Variants in SLC39A11 observed in about 807,000 individuals in gnomAD.
The protein encoded by SLC39A11 is zinc transporter ZIP11.
Under a neutral mutation model 36.1 loss-of-function variants are expected in SLC39A11, and 33 were observed. That is an observed-to-expected ratio of 0.91 (90% CI 0.69 to 1.22). The LOEUF (loss-of-function observed/expected upper bound fraction) is 1.22, where lower values mean the gene tolerates loss of function less well. SLC39A11 is among the 50% of genes most tolerant of loss of function. SLC39A11 has a pLI of 0.00. For synonymous variants in SLC39A11, 166 were observed against 170.3 expected, an observed-to-expected ratio of 0.97 and a Z score of 0.20; for missense variants, 432 against 430.3, an observed-to-expected ratio of 1.00 and a Z score of -0.03.
chr17:72,990,421 T>C (rs773507452), intron 4 of SLC39A11, among the ~76,000 whole-genome samples: 31 of 152,198 alleles, frequency 2.0e-4, no homozygotes, highest in African/African-American at 6.5e-4. Flanking sequence ...AGGATTTTTT[T>C]TCTCTCTCTT....
chr17:72,683,705 A>G (rs1424315626), intron 7 of SLC39A11, among the ~76,000 whole-genome samples: 1 of 152,052 alleles, frequency 6.6e-6, no homozygotes, highest in East Asian at 1.9e-4. Flanking sequence ...TCCAACCAAG[A>G]GTCAAAGGGT....
chr17:72,870,326 G>A (rs1158493824), intron 5 of SLC39A11, among the ~76,000 whole-genome samples: 1 of 2,202 alleles, frequency 4.5e-4, no homozygotes, highest in Non-Finnish European at 6.4e-4. Flanking sequence ...CCAGATTTAG[G>A]TATGCTGTCC....
At chr17:73,006,259 A>G (rs564105911) in intron 4 of SLC39A11, among the ~76,000 whole-genome samples, 4 of 152,340 alleles carry the variant, frequency 2.6e-5, no homozygotes, top group Non-Finnish European at 5.9e-5. Flanking sequence ...TTTCATCATC[A>G]AGAAAAAGGG....
At chr17:72,939,627 G>A (rs1476053544) in intron 5 of SLC39A11, among the ~76,000 whole-genome samples, 1 of 152,094 alleles carries the variant, frequency 6.6e-6, no homozygotes, top group East Asian at 1.9e-4. Flanking sequence ...ACACACACAG[G>A]GACGAAGGTC....
chr17:72,699,232 C>A (rs2072488665), intron 7 of SLC39A11, among the ~76,000 whole-genome samples: 1 of 152,136 alleles, frequency 6.6e-6, no homozygotes, highest in Non-Finnish European at 1.5e-5. Context: ...TGTCTTGGGC[C>A]ACACATAAAA....
At chr17:72,775,361 G>A (rs1369499550) in intron 6 of SLC39A11, among the ~76,000 whole-genome samples, 1 of 152,178 alleles carries the variant, frequency 6.6e-6, no homozygotes, top group Non-Finnish European at 1.5e-5. Context: ...TGGATTCAGA[G>A]AAACACAATA....
intron 6 of SLC39A11, among the ~76,000 whole-genome samples, chr17:72,770,402 G>A (rs1568061150): frequency 6.6e-6 from 1 of 152,216 alleles, no homozygotes; most frequent in Admixed American, 6.5e-5. Flanking sequence ...GCTGATGGTT[G>A]TAGGCCCATT....
intron 6 of SLC39A11, among the ~76,000 whole-genome samples, chr17:72,776,664 CA>C (rs2076145600): frequency 6.9e-6 from 1 of 144,916 alleles, no homozygotes; most frequent in Non-Finnish European, 1.5e-5. Context: ...AGCTGCTAGA[CA>C]GAGGAAGAGA....
intron 6 of SLC39A11, among the ~76,000 whole-genome samples, chr17:72,825,151 T>A (rs1320146288): frequency 3.5e-5 from 5 of 140,878 alleles, no homozygotes; most frequent in African/African-American, 1.2e-4. Flanking sequence ...GGAAGAATGG[T>A]TTTGCAGACC....
intron 4 of SLC39A11, among the ~76,000 whole-genome samples, chr17:73,008,157 T>C (rs11869656): frequency 1.4e-5 from 1 of 74,026 alleles, no homozygotes; most frequent in South Asian, 5.6e-4. Context: ...GTTTGTTGTT[T>C]TTTTTTTGTT....
intron 3 of SLC39A11, among the ~76,000 whole-genome samples, chr17:73,036,787 A>G (rs1299678556): frequency 2.0e-5 from 3 of 152,166 alleles, no homozygotes; most frequent in African/African-American, 7.2e-5. Context: ...GGTGCTATAC[A>G]TTCCATGGAT....
At chr17:72,954,108 G>A (rs534293716) in intron 4 of SLC39A11, among the ~76,000 whole-genome samples, 86 of 152,180 alleles carry the variant, frequency 5.7e-4, no homozygotes, top group Non-Finnish European at 9.1e-4. Flanking sequence ...GTGCAGTGGT[G>A]TGATCTCAGC....
chr17:72,847,641 C>A (rs140537726), intron 6 of SLC39A11, among the ~76,000 whole-genome samples: 1 of 151,944 alleles, frequency 6.6e-6, no homozygotes, highest in Non-Finnish European at 1.5e-5. Context: ...ATAGTGCTTT[C>A]GGCAGATTTA....
In SLC39A11 at chr17:73,030,560, C is replaced by T. The variant is rs375962626; in HGVS notation, c.306+996G>A. Among the ~76,000 whole-genome samples the T allele has an allele frequency of 7.9e-5, 12 of 152,284 alleles. No individual in the cohort carries two copies. The East Asian group carries it at 2.1e-3, about 27-fold the overall frequency. On this transcript the variant is annotated intron_variant, in intron 4 of 9. Coordinates refer to ENST00000255559, the MANE Select transcript of SLC39A11 (RefSeq NM_139177.4). The stretch of plus-strand genomic sequence containing the variant: ...TGAGTCTGACTTAATCCTGTCTCAC[C>T]GTGATCCAGCAGGAGAAATGGACTT...
chr17:72,830,043 G>T (rs1452770264), intron 6 of SLC39A11, among the ~76,000 whole-genome samples: 1 of 152,174 alleles, frequency 6.6e-6, no homozygotes, highest in African/African-American at 2.4e-5. Context: ...AGGAAGGAGA[G>T]AGGAGAGGAG....
At chr17:72,921,674 C>G (rs530750695) in intron 5 of SLC39A11, among the ~76,000 whole-genome samples, 2 of 152,248 alleles carry the variant, frequency 1.3e-5, no homozygotes, top group African/African-American at 4.8e-5. Flanking sequence ...AGCCCCTGAT[C>G]GAAATGTTAG....
rs367824660 is a variant in SLC39A11, at chr17:72,878,170, T to G, written c.431-28366A>C. Among the ~76,000 whole-genome samples, 5 of 152,042 alleles carry G rather than the reference T, an allele frequency of 3.3e-5. No homozygotes were observed. The South Asian group carries it at 1.0e-3, about 32-fold the overall frequency. On this transcript the variant is annotated intron_variant, in intron 5 of 9. Coordinates refer to ENST00000255559, the MANE Select transcript of SLC39A11 (RefSeq NM_139177.4). Reference sequence around the variant, plus strand: ...GAACTCATCATTTTTTATGGCTGCATAGTATTCCATGGTGTATATGTGCCA... The same window carrying G: ...GAACTCATCATTTTTTATGGCTGCAGAGTATTCCATGGTGTATATGTGCCA...
intron 3 of SLC39A11, among the ~76,000 whole-genome samples, chr17:73,057,549 T>C (rs1209786138): frequency 6.6e-6 from 1 of 152,218 alleles, no homozygotes; most frequent in Non-Finnish European, 1.5e-5. Flanking sequence ...ATCAACGAGG[T>C]CTGCTTCTTT....
intron 6 of SLC39A11, among the ~76,000 whole-genome samples, chr17:72,792,979 C>T (rs554312605): frequency 2.0e-4 from 31 of 152,246 alleles, no homozygotes; most frequent in South Asian, 1.2e-3. Flanking sequence ...TCCCTACTGC[C>T]GGCGGGGTGG....
Sources: allele counts gnomAD v4.1 joint callset (sites outside exome capture counted in the v4.1 genomes callset), GRCh38; gene constraint gnomAD v4.1.1; transcripts MANE v1.5; gene names NCBI Gene and HGNC (gene_info 2026-07-23, HGNC 2026-07-21).